FUS: variants seen among roughly 807,000 people sequenced by gnomAD.
FUS encodes the protein RNA-binding protein FUS.
FUS carries 5 observed loss-of-function variants against 82.7 expected under a neutral mutation model. The observed-to-expected ratio is 0.06, with a 90% CI of 0.03 to 0.13. The LOEUF is 0.13. Ranked by LOEUF, FUS falls within the 10% of genes least tolerant of loss-of-function variation. FUS has a pLI of 1.00. For missense variants in FUS, 512 were observed against 707.8 expected (o/e 0.72, Z 3.14); for synonymous variants, 281 against 247.4 (o/e 1.14, Z -1.27).
At position 31,190,986 on chromosome 16, in the gene FUS, C is replaced by T; in HGVS notation, c.1417C>T (p.Arg473Cys). 2 of 1,612,998 alleles carry T rather than the reference C, an allele frequency of 1.2e-6. No homozygotes were observed. The highest frequency in any genetic ancestry group is 1.7e-4 in the Middle Eastern group (1 of 6,054). The change falls in exon 14 of 15, where the codon CGT becomes TGT. Residue 473 changes from arginine (R) to cysteine (C), a missense_variant. By Grantham distance (180) the Arg-to-Cys change is radical. This residue lies in a region of FUS where 96 missense variants were observed against 120.7 expected (regional missense o/e 0.80). Coordinates refer to ENST00000254108, the MANE Select transcript of FUS (RefSeq NM_004960.4). ...HMGGNYGDDR[R>C]GGRGGYDRGG... ...AGGGGGTAACTACGGGGATGATCGT[C>T]GTGGTGGCAGAGGAGGCTATGATCG...
At chr16:31,188,981 A>G (rs2079312683) in intron 8 of FUS, 142 bp from the exon 9 acceptor site, 4 of 713,866 alleles carry the variant, frequency 5.6e-6, no homozygotes, top group Admixed American at 2.0e-5. Context: ...ATAGGGACTC[A>G]AAAGGGATGT....
chr16:31,190,256 C>T lies in FUS; in HGVS notation c.1169-19C>T, dbSNP rs1259284136. On this transcript the variant is annotated intron_variant, in intron 11 of 14. Transcript: ENST00000254108. Reference sequence around the variant, plus strand: ...AACTTGGAGAGGGAGCAGACCCATACTTGGTCTATCTGCATTAGGACCCAT... The same window carrying T: ...AACTTGGAGAGGGAGCAGACCCATATTTGGTCTATCTGCATTAGGACCCAT... 3 of 1,614,070 alleles carry T rather than the reference C, an allele frequency of 1.9e-6. No individual in the cohort carries two copies. The highest frequency in any genetic ancestry group is 1.6e-4 in the Middle Eastern group (1 of 6,062).
At chr16:31,194,321 C>T (rs1349063334), downstream of FUS, 3 of 517,476 alleles carry the variant, frequency 5.8e-6, no homozygotes, top group South Asian at 1.5e-5. Context: ...GAGACGGTCT[C>T]ACTCTCACCC....
intron 7 of FUS, 83 bp downstream of exon 7, chr16:31,186,919 A>G: frequency 7.3e-7 from 1 of 1,366,488 alleles, no homozygotes; most frequent in African/African-American, 1.4e-5. Context: ...TAGCGTGTTA[A>G]TTTAAATGTC....
At position 31,188,568 on chromosome 16, in the gene FUS, A is replaced by G. The variant is rs999415286; in HGVS notation, c.832+211A>G. ...TTGTGGGTTCCACCCCCAGTGATTT[A>G]GGTCTGAGAGGACCCTGAAAATCTA... is the stretch of plus-strand genomic sequence containing the variant. On this transcript the variant is annotated intron_variant, in intron 8 of 14. Coordinates refer to ENST00000254108, the MANE Select transcript of FUS (RefSeq NM_004960.4). The G allele has an allele frequency of 8.1e-6, 5 of 617,506 alleles. No homozygotes were observed. The Admixed American group carries it at 1.5e-4, about 18-fold the overall frequency. 38.3% of individuals were successfully genotyped at this position (617,506 alleles called of 1,614,324 possible). A position where few individuals can be genotyped will look rare whatever the true frequency, so the allele number is the denominator to read the frequency against.
intron 5 of FUS, 26 bp from the exon 6 acceptor site, chr16:31,184,913 T>C: frequency 6.2e-7 from 1 of 1,611,540 alleles, no homozygotes; most frequent in South Asian, 1.1e-5. Flanking sequence ...GTTTTTTTTT[T>C]TTAATCATTC....
intron 6 of FUS, chr16:31,186,206 T>C (rs1291194279): frequency 4.1e-6 from 1 of 244,264 alleles, no homozygotes; most frequent in Non-Finnish European, 8.1e-6. Context: ...CATTGCAAAA[T>C]ACTCCGCTCT....
chr16:31,191,747 G>A (rs1407549388), downstream of FUS: 1 of 631,508 alleles, frequency 1.6e-6, no homozygotes, highest in Non-Finnish European at 2.9e-6. Flanking sequence ...ATATCCTTGA[G>A]AGCAGAGATT....
Position 31,183,879 on chromosome 16 carries a change from C to A in FUS, c.212C>A (p.Thr71Asn). The change falls in exon 4 of 15, where the codon ACT becomes AAT. Residue 71 changes from threonine (T) to asparagine (N), a missense_variant. By Grantham distance (65) the Thr-to-Asn change is moderately conservative. Coordinates refer to ENST00000254108, the MANE Select transcript of FUS (RefSeq NM_004960.4). ...SQNTGYGTQS[T>N]PQGYGSTGGY... ...GTAGCAGGCTATGGAACTCAGTCAACTCCCCAGGGATATGGCTCGACTGGC... is the reference window on the plus strand; with the variant it reads ...GTAGCAGGCTATGGAACTCAGTCAAATCCCCAGGGATATGGCTCGACTGGC... The A allele has an allele frequency of 1.2e-6, 2 of 1,614,210 alleles. No homozygotes were observed. The highest frequency in any genetic ancestry group is 1.7e-6 in the Non-Finnish European group (2 of 1,180,040).
chr16:31,189,385 T>C (rs1341013657), intron 9 of FUS, among the ~76,000 whole-genome samples, 159 bp downstream of exon 9: 2 of 152,206 alleles, frequency 1.3e-5, no homozygotes, highest in African/African-American at 4.8e-5. Flanking sequence ...AGTTACTGTT[T>C]TCTAAAAGAG....
chr16:31,194,472 A>AT (rs1266553480), downstream of FUS: 24 of 498,816 alleles, frequency 4.8e-5, no homozygotes, highest in East Asian at 4.5e-5. Flanking sequence ...TTTTTTTTGT[A>AT]TTTTTTGTGG....
At chr16:31,181,777 A>G (rs1286127600) in intron 1 of FUS, among the ~76,000 whole-genome samples, 1 of 152,134 alleles carries the variant, frequency 6.6e-6, no homozygotes, top group Non-Finnish European at 1.5e-5. Context: ...CGAATGCGCG[A>G]TGTTTTAGAG....
chr16:31,188,295 T>G (rs764410905), intron 7 of FUS, 30 bp from the exon 8 acceptor site: 6 of 1,610,642 alleles, frequency 3.7e-6, no homozygotes, highest in Non-Finnish European at 5.1e-6. Context: ...TTTTGTTTTT[T>G]TTTTGTTCTT....
chr16:31,193,504 G>C (rs1216358095), downstream of FUS: 1 of 529,298 alleles, frequency 1.9e-6, no homozygotes, highest in East Asian at 4.0e-5. Flanking sequence ...GTGGTCCCCT[G>C]ATGCCCTCCT....
At chr16:31,181,554 TA>T (rs2079178116) in intron 1 of FUS, among the ~76,000 whole-genome samples, 1 of 152,184 alleles carries the variant, frequency 6.6e-6, no homozygotes, top group South Asian at 2.1e-4. Context: ...GGCTTTGCAC[TA>T]AAAAGCCCAC....
chr16:31,188,573 T>C (rs996095550), intron 8 of FUS: 2 of 612,762 alleles, frequency 3.3e-6, no homozygotes, highest in Non-Finnish European at 5.7e-6. Flanking sequence ...GATTTAGGTC[T>C]GAGAGGACCC....
chr16:31,191,003 C>T lies in FUS; in HGVS notation c.1434C>T (p.Gly478=). 6 of 1,613,754 alleles carry T rather than the reference C, an allele frequency of 3.7e-6. No homozygotes were observed. Among genetic ancestry groups the T allele is most frequent in the African/African-American group, 1.3e-5 (1 of 74,960 alleles). The change falls in exon 14 of 15, where the codon GGC becomes GGT. Residue 478 remains glycine (G), a synonymous_variant. Transcript: ENST00000254108. The part of the protein sequence containing the change: ...YGDDRRGGRG[G]YDRGGYRGRG... ...ATGATCGTCGTGGTGGCAGAGGAGGCTATGATCGAGGCGGCTACCGGGGCC... is the reference window on the plus strand; with the variant it reads ...ATGATCGTCGTGGTGGCAGAGGAGGTTATGATCGAGGCGGCTACCGGGGCC...
Position 31,191,502 on chromosome 16 carries a change from T to G in FUS, c.*64T>G, listed in dbSNP as rs756928637. On this transcript the variant is annotated 3_prime_UTR_variant, in exon 15 of 15. Coordinates refer to ENST00000254108, the MANE Select transcript of FUS (RefSeq NM_004960.4). ...CTGTACCCAGTGTTACCCTCGTTATTTTGTAACCTTCCAATTCCTGATCAC... is the reference window on the plus strand; with the variant it reads ...CTGTACCCAGTGTTACCCTCGTTATGTTGTAACCTTCCAATTCCTGATCAC... The G allele has an allele frequency of 4.5e-6, 7 of 1,555,338 alleles. No homozygotes were observed. The highest frequency in any genetic ancestry group is 1.4e-5 in the African/African-American group (1 of 73,656).
Position 31,189,223 on chromosome 16 carries a change from T to C in FUS, c.933T>C (p.Ile311=), listed in dbSNP as rs1363369336. ...ATTACTTCAAGCAGATTGGTATTAT[T>C]AAGGTACTTGTGGAGAGGAGTGGGA... The part of the protein sequence containing the change: ...VADYFKQIGI[I]KTNKKTGQPM... Residue 311 remains isoleucine, a synonymous_variant, in exon 9 of 15, where the codon ATT becomes ATC. Transcript: ENST00000254108. 1 of 1,605,588 alleles carries C rather than the reference T, an allele frequency of 6.2e-7. No individual in the cohort carries two copies. The highest frequency in any genetic ancestry group is 8.5e-7 in the Non-Finnish European group (1 of 1,172,228).
Sources: gnomAD v4.1 joint callset for allele counts (sites outside exome capture counted in the v4.1 genomes callset) on GRCh38, gnomAD v4.1.1 for gene constraint, gnomAD v4.1.1 regional missense constraint, MANE v1.5 for transcripts, NCBI Gene and HGNC (gene_info 2026-07-23, HGNC 2026-07-21) for gene names.